FLT1: variants seen among roughly 807,000 people sequenced by gnomAD.
The protein encoded by FLT1 is fms related receptor tyrosine kinase 1.
In FLT1, 49 loss-of-function variants were observed where a neutral mutation model predicts 156.3. That is an observed-to-expected ratio of 0.31 (90% CI 0.25 to 0.40). The LOEUF is 0.40. FLT1 is among the 10% of genes least tolerant of loss of function. The probability of loss-of-function intolerance (pLI) is 1.00; values close to 1 mark genes in which losing one functional copy is unlikely to be tolerated. For missense variants in FLT1, 1,322 were observed against 1,637.2 expected, an observed-to-expected ratio of 0.81 and a Z score of 3.32; for synonymous variants, 594 against 583.8, an observed-to-expected ratio of 1.02 and a Z score of -0.25.
At chr13:28,426,059 A>C (rs772464026) in intron 10 of FLT1, among the ~76,000 whole-genome samples, 3 of 152,168 alleles carry the variant, frequency 2.0e-5, no homozygotes, top group Non-Finnish European at 4.4e-5. Context: ...TGTGGGAAGA[A>C]TCTAGAAAAT....
chr13:28,318,560 C>CG (rs1042602610), intron 24 of FLT1, among the ~76,000 whole-genome samples: 1 of 152,156 alleles, frequency 6.6e-6, no homozygotes, highest in Non-Finnish European at 1.5e-5. Flanking sequence ...AGCTGGGAGG[C>CG]GTGCAGTGCT....
intron 1 of FLT1, among the ~76,000 whole-genome samples, chr13:28,481,098 T>C (rs976840396): frequency 6.6e-6 from 1 of 152,222 alleles, no homozygotes; most frequent in Non-Finnish European, 1.5e-5. Context: ...TAACATTACC[T>C]AGTGACTCGG....
At chr13:28,470,446 T>C (rs1880097647) in intron 1 of FLT1, among the ~76,000 whole-genome samples, 1 of 152,304 alleles carries the variant, frequency 6.6e-6, no homozygotes, top group South Asian at 2.1e-4. Context: ...AAGCTTCCTG[T>C]GGAAACTTCT....
chr13:28,385,033 T>C lies in FLT1; in HGVS notation c.1970-2A>G. On this transcript the variant is annotated splice_acceptor_variant, in intron 13 of 29. Transcript: ENST00000282397. LOFTEE classifies it high-confidence loss of function. ...GCAGGAGGTATGGTGCTTCCTGATC[T>C]AGTGAAGAAAGAAAGGGAGCTGTGA... is the stretch of plus-strand genomic sequence containing the variant. 1 of 1,614,100 alleles carries C rather than the reference T, an allele frequency of 6.2e-7. No individual in the cohort carries two copies. The highest frequency in any genetic ancestry group is 2.2e-5 in the East Asian group (1 of 44,884).
intron 3 of FLT1, among the ~76,000 whole-genome samples, chr13:28,438,797 G>C (rs1295446668): frequency 2.6e-5 from 4 of 152,212 alleles, no homozygotes; most frequent in East Asian, 1.9e-4. Flanking sequence ...AGGTGATGCA[G>C]AAGTCTAGCA....
At chr13:28,404,481 G>A (rs1335154129) in intron 11 of FLT1, among the ~76,000 whole-genome samples, 1 of 152,184 alleles carries the variant, frequency 6.6e-6, no homozygotes, top group African/African-American at 2.4e-5. Flanking sequence ...ATTAGCATAT[G>A]TCAAAAAGTT....
At chr13:28,436,581 T>G (rs1412378128) in intron 4 of FLT1, among the ~76,000 whole-genome samples, 1 of 152,190 alleles carries the variant, frequency 6.6e-6, no homozygotes, top group Non-Finnish European at 1.5e-5. Flanking sequence ...AAACAACCCA[T>G]CTGCATTAGC....
In FLT1 at chr13:28,427,765, A is replaced by G. The variant is rs1276140799; in HGVS notation, c.1263T>C (p.Thr421=). 1 of 1,613,938 alleles carries G rather than the reference A, an allele frequency of 6.2e-7. No individual in the cohort carries two copies. Among genetic ancestry groups the G allele is most frequent in the East Asian group, 2.2e-5 (1 of 44,882 alleles). The part of the protein sequence containing the change: ...QSNVFKNLTA[T]LIVNVKPQIY... ...CAGCAAACTTACCATTGACAATTAG[A>G]GTGGCAGTGAGGTTTTTAAACACAT... The change falls in exon 9 of 30, where the codon ACT becomes ACC. Residue 421 remains threonine (T), a synonymous_variant. Transcript: ENST00000282397.
At chr13:28,312,407 G>C (rs1871042224) in intron 25 of FLT1, among the ~76,000 whole-genome samples, 1 of 151,940 alleles carries the variant, frequency 6.6e-6, no homozygotes, top group East Asian at 1.9e-4. Flanking sequence ...TTCTGTGAAT[G>C]AAACACAGCA....
chr13:28,348,947 T>G (rs1009496028), intron 15 of FLT1, among the ~76,000 whole-genome samples: 8 of 150,674 alleles, frequency 5.3e-5, no homozygotes, highest in Non-Finnish European at 1.0e-4. Context: ...TAGGGTCACG[T>G]CTCTGTTCCT....
chr13:28,440,117 T>C (rs754684632), intron 3 of FLT1, among the ~76,000 whole-genome samples: 1 of 152,142 alleles, frequency 6.6e-6, no homozygotes, highest in East Asian at 1.9e-4. Flanking sequence ...TTCTCCACCC[T>C]AGCCCACATT....
At chr13:28,393,876 T>C (rs1874884350) in intron 12 of FLT1, among the ~76,000 whole-genome samples, 1 of 152,158 alleles carries the variant, frequency 6.6e-6, no homozygotes, top group Non-Finnish European at 1.5e-5. Flanking sequence ...CGTGAGCCAT[T>C]GTGCTTGGCC....
chr13:28,307,019 G>A (rs1466277370), intron 28 of FLT1, among the ~76,000 whole-genome samples: 2 of 152,124 alleles, frequency 1.3e-5, no homozygotes, highest in African/African-American at 4.8e-5. Context: ...TAGGCAAAAG[G>A]GGAAATGGCA....
intron 11 of FLT1, among the ~76,000 whole-genome samples, chr13:28,404,928 G>A (rs902100653): frequency 6.6e-6 from 1 of 151,034 alleles, no homozygotes; most frequent in African/African-American, 2.4e-5. Context: ...GCTGAGACAG[G>A]AGAATCACTT....
intron 10 of FLT1, among the ~76,000 whole-genome samples, chr13:28,422,532 A>G (rs1268988264): frequency 6.6e-6 from 1 of 152,232 alleles, no homozygotes; most frequent in African/African-American, 2.4e-5. Flanking sequence ...ACCCAAACAC[A>G]TTCAACATTT....
At position 28,427,845 on chromosome 13, in the gene FLT1, C is replaced by T. The variant is rs369255421; in HGVS notation, c.1183G>A (p.Val395Ile). The change falls in exon 9 of 30, where the codon GTA (valine) becomes ATA (isoleucine). Residue 395 changes from valine to isoleucine, a missense_variant. Physicochemically the swap from Val to Ile is conservative, Grantham distance 29. Coordinates refer to ENST00000282397, the MANE Select transcript of FLT1 (RefSeq NM_002019.4). The part of the protein sequence containing the change: ...TRGYSLIIKD[V>I]TEEDAGNYTI... ...TAATTCCCTGCATCCTCTTCAGTTA[C>T]GTCCTTGATAATTAACGAGTAGCCA... 1.1e-4 allele frequency: 184 copies of T among 1,613,580 alleles called. No homozygotes were observed. The highest frequency in any genetic ancestry group is 1.4e-4 in the Non-Finnish European group (165 of 1,179,666).
At chr13:28,371,428 G>A (rs571792637) in intron 14 of FLT1, among the ~76,000 whole-genome samples, 66 of 152,136 alleles carry the variant, frequency 4.3e-4, no homozygotes, top group Non-Finnish European at 4.4e-5. Flanking sequence ...CTCCCAGGAT[G>A]TGAACCTTCC....
At chr13:28,451,667 CAGGAGTCAGGGG>C (rs141398391) in intron 3 of FLT1, among the ~76,000 whole-genome samples, 2,291 of 152,130 alleles carry the variant, frequency 0.015, 68 homozygotes, top group Admixed American at 0.064. Flanking sequence ...TGAGGGGAGG[CAGGAGTCAGGGG>C]AGGAGTCGGG....
intron 3 of FLT1, among the ~76,000 whole-genome samples, chr13:28,465,327 A>C (rs570141966): frequency 6.6e-6 from 1 of 152,108 alleles, no homozygotes; most frequent in Non-Finnish European, 1.5e-5. Flanking sequence ...AGTCCCTTAC[A>C]GTTATCTACC....
Sources: allele counts gnomAD v4.1 joint callset (sites outside exome capture counted in the v4.1 genomes callset), GRCh38; gene constraint gnomAD v4.1.1; transcripts MANE v1.5; gene names NCBI Gene and HGNC (gene_info 2026-07-23, HGNC 2026-07-21).